The following VCAN variants were observed in gnomAD, a reference collection of about 807,000 sequenced individuals.
VCAN encodes versican.
In VCAN, 44 loss-of-function variants were observed where a neutral mutation model predicts 245.5. The ratio of observed to expected loss-of-function variants is 0.18; its 90% CI spans 0.14 to 0.23. VCAN has a LOEUF of 0.23. Among genes scored for constraint, VCAN ranks in the 10% least tolerant of loss-of-function variants. The pLI, the probability that VCAN is intolerant of heterozygous loss-of-function variation, is 1.00. For synonymous variants in VCAN, 1,413 were observed against 1,437.0 expected (o/e 0.98, Z 0.38); for missense variants, 3,793 against 4,057.9 (o/e 0.93, Z 1.77).
intron 11 of VCAN, 24 bp from the exon 12 acceptor site, chr5:83,554,932 T>A: frequency 6.2e-7 from 1 of 1,605,932 alleles, no homozygotes; most frequent in African/African-American, 1.3e-5. Flanking sequence ...AGTACAAATA[T>A]CTGTGTGGTT....
chr5:83,525,593 C>T (rs1369553911), intron 7 of VCAN, among the ~76,000 whole-genome samples: 2 of 152,014 alleles, frequency 1.3e-5, no homozygotes, highest in Admixed American at 1.3e-4. Flanking sequence ...AGCTTATTAC[C>T]TTTTTTAACA....
At chr5:83,545,210 A>G (rs1747158157) in intron 8 of VCAN, 1 of 425,216 alleles carries the variant, frequency 2.4e-6, no homozygotes, top group Non-Finnish European at 4.4e-6. Flanking sequence ...CATATGTGTA[A>G]TCATTTTTGA....
At position 83,580,850 on chromosome 5, in the gene VCAN, G is replaced by A. The variant is rs537876960; in HGVS notation, c.*416G>A. ...AATGAGTTTGGGCATATTTAATGATGATTATGGAGCCTTAGAGGTCTTTAA... is the reference window on the plus strand; with the variant it reads ...AATGAGTTTGGGCATATTTAATGATAATTATGGAGCCTTAGAGGTCTTTAA... On this transcript the variant is annotated 3_prime_UTR_variant, in exon 15 of 15. Coordinates refer to ENST00000265077, the MANE Select transcript of VCAN (RefSeq NM_004385.5). 1 of 279,562 alleles carries A rather than the reference G, an allele frequency of 3.6e-6. No homozygotes were observed. Among genetic ancestry groups the A allele is most frequent in the African/African-American group, 2.2e-5 (1 of 45,170 alleles). The allele number at this position is 279,562 out of a possible 1,614,324, so 17.3% of individuals were successfully genotyped here.
At chr5:83,528,444 CCAGTGCTGTTTGACATGGCCTGCTTCA>C (rs1181641170) in intron 7 of VCAN, among the ~76,000 whole-genome samples, 1 of 152,044 alleles carries the variant, frequency 6.6e-6, no homozygotes, top group East Asian at 2.0e-4. Flanking sequence ...CCATGTCATC[CCAGTGCTGTTTGACATGGCCTGCTTCA>C]GAAGCTGAAT....
Position 83,541,204 on chromosome 5 carries a change from A to G in VCAN, c.8201A>G (p.Gln2734Arg). 1 of 1,614,018 alleles carries G rather than the reference A, an allele frequency of 6.2e-7. No individual in the cohort carries two copies. The highest frequency in any genetic ancestry group is 1.1e-5 in the South Asian group (1 of 91,092). The change falls in exon 8 of 15, where the codon CAA becomes CGA. Residue 2734 changes from glutamine (Q) to arginine (R), a missense_variant. Coordinates refer to ENST00000265077, the MANE Select transcript of VCAN (RefSeq NM_004385.5). ...TCTGATGGTCAAGCTATTGCAGACC[A>G]AAGTGAAATAATACCAACATTGGGC... ...TLSDGQAIADQSEIIPTLGQF... is the reference protein window; with the variant it reads ...TLSDGQAIADRSEIIPTLGQF...
At chr5:83,572,613 G>C in intron 13 of VCAN, 53 bp downstream of exon 13, 1 of 1,606,460 alleles carries the variant, frequency 6.2e-7, no homozygotes, top group Non-Finnish European at 8.5e-7. Context: ...CAATTATAAA[G>C]ATAATTCAGG....
At chr5:83,533,268 A>T (rs1329945498) in intron 7 of VCAN, among the ~76,000 whole-genome samples, 2 of 152,144 alleles carry the variant, frequency 1.3e-5, no homozygotes. Context: ...AATAGTTGCG[A>T]GGTGGGTGGA....
intron 12 of VCAN, among the ~76,000 whole-genome samples, chr5:83,559,430 G>A (rs762214556): frequency 5.3e-5 from 8 of 151,930 alleles, no homozygotes; most frequent in African/African-American, 7.3e-5. Flanking sequence ...AATCCACTCC[G>A]TCTGCCACTT....
At chr5:83,566,966 T>C (rs1482551419) in intron 12 of VCAN, among the ~76,000 whole-genome samples, 1 of 152,198 alleles carries the variant, frequency 6.6e-6, no homozygotes, top group African/African-American at 2.4e-5. Flanking sequence ...AAGAGAAACA[T>C]ACTTATTAGC....
chr5:83,537,595 A>C lies in VCAN; in HGVS notation c.4592A>C (p.His1531Pro). 1.9e-6 allele frequency: 3 copies of C among 1,613,856 alleles called. No homozygotes were observed. Among genetic ancestry groups the C allele is most frequent in the Non-Finnish European group, 2.5e-6 (3 of 1,179,912 alleles). The part of the protein sequence containing the change: ...SVTERDTEVG[H>P]QAHEHTEPVS... Reference sequence around the variant, plus strand: ...ACAGAGAGAGATACTGAAGTTGGTCATCAGGCACATGAACATACTGAACCT... The same window carrying C: ...ACAGAGAGAGATACTGAAGTTGGTCCTCAGGCACATGAACATACTGAACCT... The change falls in exon 8 of 15, where the codon CAT (histidine) becomes CCT (proline). Residue 1531 changes from histidine (H) to proline (P), a missense_variant. His to Pro is a moderately conservative substitution (Grantham distance 77). Transcript: ENST00000265077.
rs771479305 is a variant in VCAN at position 83,541,564 on chromosome 5, T to C, written c.8561T>C (p.Val2854Ala). ...PQPSALPGIDVGSSVMSPQDS... is the reference protein window; with the variant it reads ...PQPSALPGIDAGSSVMSPQDS... The stretch of plus-strand genomic sequence containing the variant: ...CCCAGTGCTCTGCCAGGAATAGACG[T>C]CGGCTCATCTGTAATGTCCCCACAG... Residue 2854 changes from valine to alanine, a missense_variant, in exon 8 of 15, where the codon GTC (valine) becomes GCC (alanine). Val to Ala is a moderately conservative substitution (Grantham distance 64). This residue lies in a region of VCAN where 3,182 missense variants were observed against 3,250.3 expected (regional missense o/e 0.98). Transcript: ENST00000265077. The C allele has an allele frequency of 2.5e-6, 4 of 1,613,918 alleles. No individual in the cohort carries two copies. Among genetic ancestry groups the C allele is most frequent in the Non-Finnish European group, 2.5e-6 (3 of 1,180,000 alleles).
chr5:83,561,503 A>T (rs1480029022), intron 12 of VCAN, among the ~76,000 whole-genome samples: 1 of 152,176 alleles, frequency 6.6e-6, no homozygotes, highest in African/African-American at 2.4e-5. Context: ...TGGTAAGCAT[A>T]GTTCAGCTTT....
Position 83,520,684 on chromosome 5 carries a change from T to C in VCAN, c.2378T>C (p.Leu793Ser), listed in dbSNP as rs76165877. 2,119 of 1,614,112 alleles carry C rather than the reference T, an allele frequency of 1.3e-3. 25 individuals are homozygous for C. In the African/African-American group the frequency reaches 0.025, roughly 19 times the overall value. Residue 793 changes from leucine (L) to serine (S), a missense_variant, in exon 7 of 15, where the codon TTA becomes TCA. Physicochemically the swap from Leu to Ser is moderately radical, Grantham distance 145. This residue lies in a region of VCAN where 3,182 missense variants were observed against 3,250.3 expected (regional missense o/e 0.98). Coordinates refer to ENST00000265077, the MANE Select transcript of VCAN (RefSeq NM_004385.5). ...ITTVLLAHGT[L>S]SVEAATVSKW... ...ACAGTGCTTTTGGCCCATGGTACTT[T>C]AAGTGTTGAAGCAGCCACTGTATCA...
At chr5:83,522,938 G>T (rs1746162908) in intron 7 of VCAN, among the ~76,000 whole-genome samples, 1 of 152,194 alleles carries the variant, frequency 6.6e-6, no homozygotes, top group African/African-American at 2.4e-5. Flanking sequence ...TAGCTTAGTT[G>T]TAGGGAGTAT....
At chr5:83,568,893 GAC>G (rs1748181496) in intron 12 of VCAN, among the ~76,000 whole-genome samples, 1 of 151,252 alleles carries the variant, frequency 6.6e-6, no homozygotes, top group Non-Finnish European at 1.5e-5. Flanking sequence ...TATATACACA[GAC>G]ACACACGCAA....
At position 83,476,144 on chromosome 5, in the gene VCAN, G is replaced by A. The variant is rs372834516; in HGVS notation, c.-7+4121G>A. The stretch of plus-strand genomic sequence containing the variant: ...TGTTCTCTCTTTTGTTGTATTATTA[G>A]GCTTAAATACTTTGGAGTTAATGAT... On this transcript the variant is annotated intron_variant, in intron 1 of 14. Coordinates refer to ENST00000265077, the MANE Select transcript of VCAN (RefSeq NM_004385.5). Among the ~76,000 whole-genome samples, 5 of 152,222 alleles carry A rather than the reference G, an allele frequency of 3.3e-5. No individual in the cohort carries two copies. In the East Asian group the frequency reaches 5.8e-4, roughly 18 times the overall value.
At chr5:83,499,287 A>G (rs1401881828) in intron 5 of VCAN, among the ~76,000 whole-genome samples, 1 of 152,014 alleles carries the variant, frequency 6.6e-6, no homozygotes, top group Non-Finnish European at 1.5e-5. Context: ...TGTTTGTTTT[A>G]TTTCAGCAAA....
chr5:83,513,649 C>T (rs1745745011), intron 6 of VCAN, among the ~76,000 whole-genome samples: 1 of 152,202 alleles, frequency 6.6e-6, no homozygotes, highest in African/African-American at 2.4e-5. Context: ...GGCTTTTGTT[C>T]TCAGGCCCTG....
chr5:83,542,043 A>G lies in VCAN; in HGVS notation c.9040A>G (p.Thr3014Ala). ...TTCTTCTCCAGAAATAAACCCTGAA[A>G]CTCAAGCAGCTTTAATCAGAGGGCA... The part of the protein sequence containing the change: ...LSSSPEINPE[T>A]QAALIRGQDS... The change falls in exon 8 of 15, where the codon ACT (threonine) becomes GCT (alanine). Residue 3014 changes from threonine to alanine, a missense_variant. Physicochemically the swap from Thr to Ala is moderately conservative, Grantham distance 58. Around this residue, in one of 5 missense-constraint regions of VCAN, gnomAD observed 3,182 missense variants for 3,250.3 expected, o/e 0.98. Coordinates refer to ENST00000265077, the MANE Select transcript of VCAN (RefSeq NM_004385.5). 1 of 1,610,678 alleles carries G rather than the reference A, an allele frequency of 6.2e-7. No homozygotes were observed.
Sources: allele counts gnomAD v4.1 joint callset (sites outside exome capture counted in the v4.1 genomes callset), GRCh38; gene constraint gnomAD v4.1.1; regional missense constraint gnomAD v4.1.1; transcripts MANE v1.5; gene names NCBI Gene and HGNC (gene_info 2026-07-23, HGNC 2026-07-21).